DCUN1D2: variants seen among roughly 807,000 people sequenced by gnomAD.
The protein encoded by DCUN1D2 is defective in cullin neddylation 1 domain containing 2.
A neutral mutation model predicts 30.9 loss-of-function variants in DCUN1D2; 29 were observed. The ratio of observed to expected loss-of-function variants is 0.94; its 90% confidence interval spans 0.70 to 1.28. The LOEUF (loss-of-function observed/expected upper bound fraction) is 1.28, where lower values mean the gene tolerates loss of function less well. Ranked by LOEUF, DCUN1D2 falls within the 50% of genes most tolerant of loss-of-function variation. The probability of loss-of-function intolerance (pLI) is 0.00; values close to 1 mark genes in which losing one functional copy is unlikely to be tolerated. For missense variants in DCUN1D2, 325 were observed against 316.9 expected (o/e 1.03, Z -0.19); for synonymous variants, 121 against 115.3 (o/e 1.05, Z -0.32).
intron 4 of DCUN1D2, among the ~76,000 whole-genome samples, chr13:113,467,055 G>A (rs1048153843): frequency 6.6e-6 from 1 of 151,748 alleles, no homozygotes; most frequent in African/African-American, 2.4e-5. Context: ...TGATCCGCCC[G>A]CCTCGGCCTC....
chr13:113,473,597 C>A (rs1230173850), intron 4 of DCUN1D2, among the ~76,000 whole-genome samples: 5 of 152,094 alleles, frequency 3.3e-5, no homozygotes, highest in Non-Finnish European at 5.9e-5. Context: ...AATATGTAAA[C>A]CCAGAAGTTG....
chr13:113,489,039 T>C, intron 1 of DCUN1D2: 2 of 808,390 alleles, frequency 2.5e-6, no homozygotes, highest in Non-Finnish European at 3.0e-6. Context: ...AGGATACCCA[T>C]ATGTAAAATG....
intron 2 of DCUN1D2, among the ~76,000 whole-genome samples, chr13:113,481,064 C>A (rs1263025737): frequency 6.6e-6 from 1 of 151,760 alleles, no homozygotes; most frequent in Non-Finnish European, 1.5e-5. Flanking sequence ...TTTAAGTTTA[C>A]AGAAATTTAG....
chr13:113,458,747 C>T (rs371895458), intron 6 of DCUN1D2, among the ~76,000 whole-genome samples: 4 of 152,260 alleles, frequency 2.6e-5, no homozygotes. Flanking sequence ...GGCGCCAGGG[C>T]CCAGAACAGA....
At chr13:113,484,188 C>T (rs1443508026) in intron 1 of DCUN1D2, 132 bp from the exon 2 acceptor site, 1 of 1,467,094 alleles carries the variant, frequency 6.8e-7, no homozygotes, top group African/African-American at 1.4e-5. Flanking sequence ...ACAAAGACTG[C>T]ACAGTCTTCT....
chr13:113,477,546 T>C (rs2044638186), intron 3 of DCUN1D2, among the ~76,000 whole-genome samples: 1 of 152,192 alleles, frequency 6.6e-6, no homozygotes, highest in Admixed American at 6.5e-5. Flanking sequence ...CTAGCTATGA[T>C]CTCCTGTTTA....
intron 4 of DCUN1D2, among the ~76,000 whole-genome samples, chr13:113,467,130 G>GT (rs2044418615): frequency 6.6e-6 from 1 of 151,848 alleles, no homozygotes; most frequent in Non-Finnish European, 1.5e-5. Flanking sequence ...GTTAAACCTC[G>GT]TTTTTTCCCC....
At chr13:113,477,782 T>C (rs1195415027) in intron 3 of DCUN1D2, among the ~76,000 whole-genome samples, 1 of 152,074 alleles carries the variant, frequency 6.6e-6, no homozygotes. Flanking sequence ...CTTTTTTTCC[T>C]GTTGTTAACC....
intron 5 of DCUN1D2, 156 bp from the exon 6 acceptor site, chr13:113,459,564 T>C (rs902918689): frequency 2.0e-6 from 1 of 495,018 alleles, no homozygotes; most frequent in African/African-American, 1.9e-5. Context: ...TCTGTATAAA[T>C]GTTAAGTGCT....
chr13:113,458,313 T>C (rs945735781), intron 6 of DCUN1D2, among the ~76,000 whole-genome samples: 2 of 152,212 alleles, frequency 1.3e-5, no homozygotes, highest in African/African-American at 4.8e-5. Context: ...GGTGTGTGTG[T>C]GCTGGCATGT....
At chr13:113,472,259 A>C (rs1253384446) in intron 4 of DCUN1D2, among the ~76,000 whole-genome samples, 1 of 152,144 alleles carries the variant, frequency 6.6e-6, no homozygotes, top group Non-Finnish European at 1.5e-5. Flanking sequence ...TGTAGTCCTG[A>C]CTGTGGTTTA....
rs147461709 is a variant in DCUN1D2 at position 113,487,297 on chromosome 13, G to A, written c.4-3241C>T. Among the ~76,000 whole-genome samples, 676 of 152,306 alleles carry A rather than the reference G, an allele frequency of 4.4e-3. 1 individual carries two copies. Among genetic ancestry groups the A allele is most frequent in the Middle Eastern group, 0.031 (9 of 294 alleles). On this transcript the variant is annotated intron_variant, in intron 1 of 6. Transcript: ENST00000478244. ...GAACAGCCATGACGCCCTTATTATGGAAGTGGTCATCGTTGCTAGATTTAA... is the reference window on the plus strand; with the variant it reads ...GAACAGCCATGACGCCCTTATTATGAAAGTGGTCATCGTTGCTAGATTTAA...
intron 6 of DCUN1D2, 120 bp from the exon 7 acceptor site, chr13:113,458,228 C>T (rs558153559): frequency 1.2e-6 from 1 of 863,362 alleles, no homozygotes; most frequent in Non-Finnish European, 1.9e-6. Flanking sequence ...AGGTCCACAC[C>T]ATTTGTGTTT....
chr13:113,487,746 T>C (rs12428611), intron 1 of DCUN1D2, among the ~76,000 whole-genome samples: 13,640 of 152,132 alleles, frequency 0.09, 944 homozygotes, highest in Admixed American at 0.23. Flanking sequence ...TCGTTCGGGG[T>C]GACAAAAATG....
intron 3 of DCUN1D2, among the ~76,000 whole-genome samples, chr13:113,479,938 G>T (rs1308032487): frequency 3.9e-5 from 6 of 152,146 alleles, no homozygotes; most frequent in African/African-American, 7.2e-5. Context: ...CACTATGATG[G>T]CTGGGATGTA....
At chr13:113,465,020 C>A (rs2044378480) in intron 4 of DCUN1D2, among the ~76,000 whole-genome samples, 2 of 152,156 alleles carry the variant, frequency 1.3e-5, no homozygotes, top group African/African-American at 2.4e-5. Flanking sequence ...AAAGATAATA[C>A]CTACATATGA....
chr13:113,456,250 C>G lies in DCUN1D2; in HGVS notation c.*1779G>C, dbSNP rs191100390. The stretch of plus-strand genomic sequence containing the variant: ...GTCTGTCACTTGCCCATCACTGGAC[C>G]AGCCAGAAGCCAGCGGGGGCCAGGC... On this transcript the variant is annotated 3_prime_UTR_variant, in exon 7 of 7. Coordinates refer to ENST00000478244, the MANE Select transcript of DCUN1D2 (RefSeq NM_001014283.2). 756 of 398,766 alleles carry G rather than the reference C, an allele frequency of 1.9e-3. 1 individual carries two copies. The highest frequency in any genetic ancestry group is 2.8e-3 in the Admixed American group (64 of 22,742). The allele number at this position is 398,766 out of a possible 1,614,324, so 24.7% of individuals were successfully genotyped here.
chr13:113,465,872 G>GATATAT (rs5806992), intron 4 of DCUN1D2, among the ~76,000 whole-genome samples: 20 of 151,290 alleles, frequency 1.3e-4, no homozygotes, highest in Admixed American at 8.6e-4. Context: ...TATATAGACA[G>GATATAT]ATATATATAG....
chr13:113,472,388 A>G (rs1377948752), intron 4 of DCUN1D2, among the ~76,000 whole-genome samples: 3 of 152,198 alleles, frequency 2.0e-5, no homozygotes, highest in Non-Finnish European at 4.4e-5. Flanking sequence ...CCGCTAAAAG[A>G]AATCAGGGCT....
Sources: gnomAD v4.1 joint callset for allele counts (sites outside exome capture counted in the v4.1 genomes callset) on GRCh38, gnomAD v4.1.1 for gene constraint, MANE v1.5 for transcripts, NCBI Gene and HGNC (gene_info 2026-07-23, HGNC 2026-07-21) for gene names.